Variants in OTUD7A observed in about 807,000 individuals in gnomAD.
OTUD7A encodes the protein OTU domain-containing protein 7A.
Under a neutral mutation model 65.7 loss-of-function variants are expected in OTUD7A, and 12 were observed. That is an observed-to-expected ratio of 0.18 (90% confidence interval 0.12 to 0.30). OTUD7A has a LOEUF of 0.30. Among genes scored for constraint, OTUD7A ranks in the 10% least tolerant of loss-of-function variants. The pLI is 1.00. For missense variants in OTUD7A, 1,148 were observed against 1,304.8 expected, an observed-to-expected ratio of 0.88 and a Z score of 1.85; for synonymous variants, 641 against 586.3, an observed-to-expected ratio of 1.09 and a Z score of -1.35.
intron 10 of OTUD7A, among the ~76,000 whole-genome samples, chr15:31,489,558 A>G (rs1434891344): frequency 6.6e-6 from 1 of 152,112 alleles, no homozygotes; most frequent in African/African-American, 2.4e-5. Flanking sequence ...GGCAGAAGCA[A>G]TGTGGGAAGT....
At chr15:31,673,503 G>T (rs1332451430) in intron 1 of OTUD7A, among the ~76,000 whole-genome samples, 2 of 152,192 alleles carry the variant, frequency 1.3e-5, no homozygotes, top group Non-Finnish European at 2.9e-5. Context: ...AGCAGAGCTT[G>T]ACTGACAATT....
chr15:31,527,333 C>T, intron 6 of OTUD7A, 25 bp from the exon 7 acceptor site: 1 of 1,611,324 alleles, frequency 6.2e-7, no homozygotes, highest in South Asian at 1.1e-5. Flanking sequence ...CCAGGGAGAA[C>T]AGAGGAGAGA....
At chr15:31,656,063 T>C (rs988032822) in intron 2 of OTUD7A, among the ~76,000 whole-genome samples, 1 of 152,220 alleles carries the variant, frequency 6.6e-6, no homozygotes, top group African/African-American at 2.4e-5. Context: ...GCTACTGAAC[T>C]ATCTACCATC....
intron 3 of OTUD7A, among the ~76,000 whole-genome samples, chr15:31,642,456 G>A (rs996288108): frequency 3.3e-5 from 5 of 152,188 alleles, no homozygotes; most frequent in African/African-American, 1.2e-4. Context: ...TCCTGGAAGA[G>A]CTGGTATAAT....
chr15:31,621,911 C>T (rs1194660523), intron 3 of OTUD7A, among the ~76,000 whole-genome samples: 1 of 152,100 alleles, frequency 6.6e-6, no homozygotes, highest in East Asian at 1.9e-4. Flanking sequence ...ACCAGTTGTT[C>T]CTTTCCACAT....
At chr15:31,781,001 T>C (rs1463483406) in intron 1 of OTUD7A, among the ~76,000 whole-genome samples, 2 of 152,206 alleles carry the variant, frequency 1.3e-5, no homozygotes, top group African/African-American at 4.8e-5. Flanking sequence ...CGGCCTCTTG[T>C]TTAGTCAGTT....
At chr15:31,825,027 G>A (rs1595795242) in intron 1 of OTUD7A, among the ~76,000 whole-genome samples, 1 of 152,194 alleles carries the variant, frequency 6.6e-6, no homozygotes, top group South Asian at 2.1e-4. Context: ...GAATTTCTCA[G>A]AAACCAGTAT....
chr15:31,757,271 A>G (rs1352755069), intron 1 of OTUD7A, among the ~76,000 whole-genome samples: 1 of 151,896 alleles, frequency 6.6e-6, no homozygotes, highest in East Asian at 1.9e-4. Flanking sequence ...AAGTTACTTC[A>G]TCTCTTCTTT....
chr15:31,558,888 C>T (rs760471183), intron 5 of OTUD7A, 81 bp downstream of exon 5: 1 of 1,456,596 alleles, frequency 6.9e-7, no homozygotes, highest in Non-Finnish European at 9.5e-7. Context: ...ATGTGCCCTT[C>T]TCTTGCTCAT....
At chr15:31,693,659 G>A (rs1227687763) in intron 1 of OTUD7A, among the ~76,000 whole-genome samples, 3 of 152,230 alleles carry the variant, frequency 2.0e-5, no homozygotes, top group Middle Eastern at 3.4e-3. Context: ...TGTCTGGGGC[G>A]CTCCAGGTGA....
intron 1 of OTUD7A, chr15:31,765,678 G>A (rs1463684161): frequency 9.1e-6 from 7 of 772,396 alleles, no homozygotes; most frequent in Non-Finnish European, 1.4e-5. Context: ...CTTTTGAGTA[G>A]CTACATTCTC....
At chr15:31,563,457 A>G (rs967165958) in intron 4 of OTUD7A, among the ~76,000 whole-genome samples, 1 of 152,224 alleles carries the variant, frequency 6.6e-6, no homozygotes, top group African/African-American at 2.4e-5. Context: ...CTGTCCTCAC[A>G]CACACCTAGA....
At chr15:31,728,195 T>C (rs1893945343) in intron 1 of OTUD7A, among the ~76,000 whole-genome samples, 2 of 152,236 alleles carry the variant, frequency 1.3e-5, no homozygotes, top group South Asian at 4.1e-4. Flanking sequence ...ATCTACTCAG[T>C]TGATCAAACC....
intron 1 of OTUD7A, among the ~76,000 whole-genome samples, chr15:31,774,276 C>A (rs1895313455): frequency 6.6e-6 from 1 of 152,274 alleles, no homozygotes; most frequent in South Asian, 2.1e-4. Flanking sequence ...AGGCTGCCAG[C>A]TGAGTCAGTC....
At chr15:31,728,262 T>C (rs1315064272) in intron 1 of OTUD7A, among the ~76,000 whole-genome samples, 2 of 152,222 alleles carry the variant, frequency 1.3e-5, no homozygotes, top group Non-Finnish European at 2.9e-5. Context: ...AGTAATTTCA[T>C]GGCAGGATTT....
chr15:31,595,969 T>C (rs1595639524), intron 3 of OTUD7A, among the ~76,000 whole-genome samples: 1 of 152,122 alleles, frequency 6.6e-6, no homozygotes, highest in Non-Finnish European at 1.5e-5. Context: ...GGTGACCTCT[T>C]CTTCCTCTTC....
intron 3 of OTUD7A, among the ~76,000 whole-genome samples, chr15:31,601,012 G>A (rs903870279): frequency 3.3e-5 from 5 of 152,152 alleles, no homozygotes; most frequent in Admixed American, 6.5e-5. Context: ...ATAACAGTGG[G>A]AGACCTTAAC....
chr15:31,701,789 C>T (rs57200287), intron 1 of OTUD7A, among the ~76,000 whole-genome samples: 32,193 of 152,000 alleles, frequency 0.21, 3,832 homozygotes, highest in Admixed American at 0.28. Flanking sequence ...AAACACTTTC[C>T]GACACTTCTA....
chr15:31,864,745 C>T (rs1897832924), intron 1 of OTUD7A, among the ~76,000 whole-genome samples: 1 of 134,728 alleles, frequency 7.4e-6, no homozygotes, highest in Admixed American at 8.5e-5. Context: ...TCTTTTTACC[C>T]ACACCTCCTC....
Sources: allele counts gnomAD v4.1 joint callset (sites outside exome capture counted in the v4.1 genomes callset), GRCh38; gene constraint gnomAD v4.1.1; transcripts MANE v1.5; gene names NCBI Gene and HGNC (gene_info 2026-07-23, HGNC 2026-07-21).